Variants in ARHGAP21 observed in about 807,000 individuals in gnomAD.
ARHGAP21 encodes the protein rho GTPase-activating protein 21.
ARHGAP21 carries 38 observed loss-of-function variants against 164.6 expected under a neutral mutation model. That is an observed-to-expected ratio of 0.23 (90% CI 0.18 to 0.30). The LOEUF is 0.30. Among genes scored for constraint, ARHGAP21 ranks in the 10% least tolerant of loss-of-function variants. ARHGAP21 has a pLI of 1.00. For missense variants in ARHGAP21, 1,822 were observed against 2,370.7 expected (o/e 0.77, Z 4.81); for synonymous variants, 766 against 857.9 (o/e 0.89, Z 1.87).
rs1834457828 is a variant in ARHGAP21, at chr10:24,620,750, T to G, written c.1145A>C (p.Gln382Pro). The G allele has an allele frequency of 4.3e-6, 7 of 1,614,220 alleles. No individual in the cohort carries two copies. In the East Asian group the frequency reaches 1.6e-4, roughly 36 times the overall value. The change falls in exon 9 of 26, where the codon CAG becomes CCG. Residue 382 changes from glutamine (Q) to proline (P), a missense_variant. Around this residue, in one of 5 missense-constraint regions of ARHGAP21, gnomAD observed 1,090 missense variants for 1,378.9 expected, o/e 0.79. Coordinates refer to ENST00000396432, the MANE Select transcript of ARHGAP21 (RefSeq NM_020824.4). ...TTTATAGTTTTTCCAGTCTATGTGC[T>G]GATGGGAATTTGGCGAATAGTGATT... ...SVNHYSPNSH[Q>P]HIDWKNYKTY...
At chr10:24,670,103 G>C (rs1840561562) in intron 3 of ARHGAP21, 115 bp downstream of exon 3, 1 of 607,756 alleles carries the variant, frequency 1.6e-6, no homozygotes, top group Admixed American at 3.9e-5. Context: ...CAAATGTAAT[G>C]CTTGATTCTT....
chr10:24,588,687 A>G (rs1158784758), intron 25 of ARHGAP21, among the ~76,000 whole-genome samples: 2 of 152,158 alleles, frequency 1.3e-5, no homozygotes, highest in Admixed American at 6.5e-5. Flanking sequence ...TCTAAGAACT[A>G]TAAATGTCCC....
At chr10:24,659,369 T>C (rs1481975275) in intron 4 of ARHGAP21, among the ~76,000 whole-genome samples, 1 of 152,140 alleles carries the variant, frequency 6.6e-6, no homozygotes, top group Non-Finnish European at 1.5e-5. Context: ...CAAGATGGAG[T>C]GTGATGGCGG....
At chr10:24,678,668 G>A (rs1365937803) in intron 2 of ARHGAP21, among the ~76,000 whole-genome samples, 1 of 151,954 alleles carries the variant, frequency 6.6e-6, no homozygotes, top group East Asian at 1.9e-4. Context: ...ATGCCTGGCT[G>A]CCTGGTTTGT....
At chr10:24,683,551 G>C (rs1659101831) in intron 2 of ARHGAP21, among the ~76,000 whole-genome samples, 1 of 151,932 alleles carries the variant, frequency 6.6e-6, no homozygotes, top group Non-Finnish European at 1.5e-5. Flanking sequence ...GAGTGCAGTG[G>C]CATGAGCCTG....
chr10:24,618,494 T>C (rs1321521890), intron 9 of ARHGAP21, among the ~76,000 whole-genome samples: 1 of 152,152 alleles, frequency 6.6e-6, no homozygotes, highest in Non-Finnish European at 1.5e-5. Context: ...CTGTTTTAGA[T>C]AGGTGAGTCA....
At chr10:24,647,684 A>G (rs1162575012) in intron 4 of ARHGAP21, among the ~76,000 whole-genome samples, 1 of 152,170 alleles carries the variant, frequency 6.6e-6, no homozygotes, top group African/African-American at 2.4e-5. Context: ...AGCTCCTACT[A>G]TATGTACCAG....
At chr10:24,705,928 A>T (rs1441174598) in intron 2 of ARHGAP21, among the ~76,000 whole-genome samples, 2 of 152,214 alleles carry the variant, frequency 1.3e-5, no homozygotes, top group African/African-American at 4.8e-5. Flanking sequence ...TAAAGGGAAA[A>T]ATAAGAGCTT....
chr10:24,672,392 T>C (rs1475273205), intron 2 of ARHGAP21, among the ~76,000 whole-genome samples: 1 of 152,308 alleles, frequency 6.6e-6, no homozygotes, highest in East Asian at 1.9e-4. Context: ...TTTGTTCTCA[T>C]CTGCTAAGTT....
At chr10:24,702,411 G>A (rs1171125648) in intron 2 of ARHGAP21, among the ~76,000 whole-genome samples, 3 of 151,878 alleles carry the variant, frequency 2.0e-5, no homozygotes, top group African/African-American at 7.3e-5. Context: ...GATTACAGGC[G>A]TGAGCCACCA....
chr10:24,595,891 A>G lies in ARHGAP21; in HGVS notation c.3630T>C (p.Asp1210=), dbSNP rs771443139. ...TTATTCAAATAAGCAAACTTACATC[A>G]TCTTGTATATCAATATCAGCCATTC... is the stretch of plus-strand genomic sequence containing the variant. ...NKGMADIDIQ[D]DKWRDLNVIS... is the part of the protein sequence containing the mutation. The change falls in exon 18 of 26, where the codon GAT becomes GAC. Residue 1210 remains aspartate, a synonymous_variant. Transcript: ENST00000396432. 1 of 1,612,076 alleles carries G rather than the reference A, an allele frequency of 6.2e-7. No homozygotes were observed. Among genetic ancestry groups the G allele is most frequent in the Admixed American group, 1.7e-5 (1 of 59,706 alleles).
At chr10:24,702,982 C>T (rs542362381) in intron 2 of ARHGAP21, among the ~76,000 whole-genome samples, 1 of 152,104 alleles carries the variant, frequency 6.6e-6, no homozygotes, top group East Asian at 1.9e-4. Context: ...AATATATATA[C>T]ACACACACAT....
chr10:24,606,795 C>T lies in ARHGAP21; in HGVS notation c.2684+704G>A, dbSNP rs139944575. On this transcript the variant is annotated intron_variant, in intron 11 of 25. Coordinates refer to ENST00000396432, the MANE Select transcript of ARHGAP21 (RefSeq NM_020824.4). Reference sequence around the variant, plus strand: ...GGTGGAGGCTGCAGTGAGCCGAGATCGCACCATTGCACTCCAGCCTGGGCA... The same window carrying T: ...GGTGGAGGCTGCAGTGAGCCGAGATTGCACCATTGCACTCCAGCCTGGGCA... Among the ~76,000 whole-genome samples the T allele has an allele frequency of 7.1e-3, 1,083 of 152,128 alleles. 9 individuals are homozygous for T. The highest frequency in any genetic ancestry group is 0.014 in the Middle Eastern group (4 of 294).
At chr10:24,629,696 T>C in intron 7 of ARHGAP21, 1 of 346,776 alleles carries the variant, frequency 2.9e-6, no homozygotes, top group South Asian at 3.2e-5. Flanking sequence ...AACTCTTCCT[T>C]TGGTCCAAGG....
rs772034895 is a variant in ARHGAP21, at chr10:24,596,761, G to A, written c.3456C>T (p.Cys1152=). ...TGTFGVRLDD[C]PPAHTNRYIP... ...CTACCCGATTAGTATGAGCTGGTGG[G>A]CAGTCATCTAGTCGGACGCCGAAAG... Residue 1152 remains cysteine, a synonymous_variant, in exon 17 of 26, where the codon TGC becomes TGT. Transcript: ENST00000396432. The A allele has an allele frequency of 4.3e-6, 7 of 1,612,934 alleles. No individual in the cohort carries two copies. Among genetic ancestry groups the A allele is most frequent in the Non-Finnish European group, 3.4e-6 (4 of 1,179,716 alleles).
chr10:24,656,523 G>A (rs1318190541), intron 4 of ARHGAP21, among the ~76,000 whole-genome samples: 3 of 90,332 alleles, frequency 3.3e-5, no homozygotes, highest in Non-Finnish European at 6.8e-5. Flanking sequence ...AGGTTGGGGG[G>A]TCAGCCCCCC....
chr10:24,680,357 T>C (rs574776032), intron 2 of ARHGAP21, among the ~76,000 whole-genome samples: 57 of 152,368 alleles, frequency 3.7e-4, no homozygotes, highest in African/African-American at 9.9e-4. Flanking sequence ...TTATTTCTAA[T>C]GTATTATTAT....
intron 4 of ARHGAP21, among the ~76,000 whole-genome samples, chr10:24,650,092 A>G (rs1439425474): frequency 1.3e-5 from 2 of 152,236 alleles, no homozygotes; most frequent in Non-Finnish European, 2.9e-5. Context: ...TGGAGTAAGA[A>G]TGAAATAATA....
chr10:24,648,957 T>C (rs1203719298), intron 4 of ARHGAP21: 15 of 715,278 alleles, frequency 2.1e-5, no homozygotes, highest in Non-Finnish European at 2.6e-5. Flanking sequence ...ACAAAATAAA[T>C]ATTTTGAAAT....
Sources: gnomAD v4.1 joint callset for allele counts (sites outside exome capture counted in the v4.1 genomes callset) on GRCh38, gnomAD v4.1.1 for gene constraint, gnomAD v4.1.1 regional missense constraint, MANE v1.5 for transcripts, NCBI Gene and HGNC (gene_info 2026-07-23, HGNC 2026-07-21) for gene names.